LNX1: variants seen among roughly 807,000 people sequenced by gnomAD.
The protein encoded by LNX1 is ligand of numb-protein X 1.
LNX1 carries 54 observed loss-of-function variants against 68.4 expected under a neutral mutation model. That is an observed-to-expected ratio of 0.79 (90% CI 0.63 to 0.99). The LOEUF (loss-of-function observed/expected upper bound fraction) is 0.99, where lower values mean the gene tolerates loss of function less well. Among genes scored for constraint, LNX1 ranks in the 50% least tolerant of loss-of-function variants. The pLI, the probability that LNX1 is intolerant of heterozygous loss-of-function variation, is 0.00. For missense variants in LNX1, 906 were observed against 926.4 expected (o/e 0.98, Z 0.29); for synonymous variants, 336 against 350.0 (o/e 0.96, Z 0.45).
chr4:53,548,618 A>G, intron 2 of LNX1, among the ~76,000 whole-genome samples: 1 of 152,182 alleles, frequency 6.6e-6, no homozygotes, highest in Non-Finnish European at 1.5e-5. Flanking sequence ...CAGTATGGCA[A>G]TTCCTCAAAG....
At chr4:53,641,521 CCT>C (rs1007123143) in intron 1 of LNX1, among the ~76,000 whole-genome samples, 3 of 152,210 alleles carry the variant, frequency 2.0e-5, no homozygotes, top group African/African-American at 4.8e-5. Flanking sequence ...AACGACCATG[CCT>C]CTGTTTCTCC....
In LNX1 at chr4:53,460,436, C is replaced by T. The variant is rs1721746459; in HGVS notation, c.*471G>A. On this transcript the variant is annotated 3_prime_UTR_variant, in exon 11 of 11. Coordinates refer to ENST00000263925, the MANE Select transcript of LNX1 (RefSeq NM_001126328.3). ...ATACAAAAGTAATCTTAATTAGTATCACATACTAAAAGACAACTATAACTT... is the reference window on the plus strand; with the variant it reads ...ATACAAAAGTAATCTTAATTAGTATTACATACTAAAAGACAACTATAACTT... 1 of 190,456 alleles carries T rather than the reference C, an allele frequency of 5.3e-6. No individual in the cohort carries two copies. Among genetic ancestry groups the T allele is most frequent in the African/African-American group, 2.3e-5 (1 of 42,908 alleles). The allele number at this position is 190,456 out of a possible 1,614,324, so 11.8% of individuals were successfully genotyped here. A position where few individuals can be genotyped will look rare whatever the true frequency, so the allele number is the denominator to read the frequency against.
chr4:53,609,132 A>G (rs1733365908), intron 2 of LNX1, among the ~76,000 whole-genome samples: 1 of 152,196 alleles, frequency 6.6e-6, no homozygotes, highest in African/African-American at 2.4e-5. Flanking sequence ...GATGCTCAAC[A>G]AAGTTGACAA....
chr4:53,587,120 C>T (rs1479866649), intron 1 of LNX1, among the ~76,000 whole-genome samples: 1 of 152,184 alleles, frequency 6.6e-6, no homozygotes, highest in Non-Finnish European at 1.5e-5. Flanking sequence ...TTTCGGACAA[C>T]TCTAATTCAT....
chr4:53,496,394 C>A lies in LNX1; in HGVS notation c.979G>T (p.Val327Phe). 6.3e-7 allele frequency: 1 copy of A among 1,598,382 alleles called. No individual in the cohort carries two copies. The highest frequency in any genetic ancestry group is 1.1e-5 in the South Asian group (1 of 89,414). ...RLLPGDIILK[V>F]NGMDISNVPH... ...ACATTGCTGATGTCCATCCCGTTGA[C>A]CTGGGGGCAGGTGGAACAATCGTGC... is the stretch of plus-strand genomic sequence containing the variant. Residue 327 changes from valine (V) to phenylalanine (F), a missense_variant and splice_region_variant, in exon 6 of 11, where the codon GTC (valine) becomes TTC (phenylalanine). By Grantham distance (50) the Val-to-Phe change is conservative (BLOSUM62 -1). Transcript: ENST00000263925.
chr4:53,578,048 T>C (rs1179307097), intron 1 of LNX1, among the ~76,000 whole-genome samples: 4 of 152,158 alleles, frequency 2.6e-5, no homozygotes, highest in African/African-American at 9.7e-5. Context: ...GGTAAATAAC[T>C]TGTCAATCAC....
upstream of LNX1, chr4:53,594,016 C>T (rs1246055225): frequency 2.1e-5 from 3 of 141,074 alleles, no homozygotes; most frequent in African/African-American, 7.6e-5. Context: ...AGCTTCTTAC[C>T]CATTATTCAG....
At chr4:53,603,688 A>G (rs1401840730) in intron 2 of LNX1, 1 of 152,256 alleles carries the variant, frequency 6.6e-6, no homozygotes, top group African/African-American at 2.4e-5. Flanking sequence ...CACGTCTTGC[A>G]AGAACTCACT....
At chr4:53,522,354 A>G (rs1035886607) in intron 2 of LNX1, among the ~76,000 whole-genome samples, 1 of 152,148 alleles carries the variant, frequency 6.6e-6, no homozygotes, top group African/African-American at 2.4e-5. Flanking sequence ...TTATTCCACA[A>G]ATACTGAAGT....
At chr4:53,561,780 ACT>A (rs572617150) in intron 2 of LNX1, among the ~76,000 whole-genome samples, 1 of 152,112 alleles carries the variant, frequency 6.6e-6, no homozygotes, top group Non-Finnish European at 1.5e-5. Context: ...TGAACAATGA[ACT>A]CTGTATTCAT....
At chr4:53,463,910 A>G (rs979631795) in intron 9 of LNX1, among the ~76,000 whole-genome samples, 1 of 152,120 alleles carries the variant, frequency 6.6e-6, no homozygotes, top group African/African-American at 2.4e-5. Flanking sequence ...TGCAGACTAC[A>G]AAAAACACTA....
chr4:53,586,548 T>C (rs10517304), intron 1 of LNX1, among the ~76,000 whole-genome samples: 22,602 of 152,194 alleles, frequency 0.15, 1,796 homozygotes, highest in African/African-American at 0.18. Context: ...CCACATATTC[T>C]AAGTCACAAA....
intron 1 of LNX1, among the ~76,000 whole-genome samples, chr4:53,579,888 C>A (rs931153810): frequency 3.9e-5 from 6 of 152,162 alleles, no homozygotes; most frequent in Non-Finnish European, 7.3e-5. Context: ...ACGTGTTCTT[C>A]CCATTGAAAG....
At chr4:53,570,664 T>TAAAA (rs367852101) in intron 2 of LNX1, among the ~76,000 whole-genome samples, 1 of 143,688 alleles carries the variant, frequency 7.0e-6, no homozygotes, top group Non-Finnish European at 1.5e-5. Flanking sequence ...TAAAGTATAA[T>TAAAA]AATAAATAAA....
chr4:53,614,544 G>A (rs1733615699), intron 2 of LNX1, among the ~76,000 whole-genome samples: 1 of 152,196 alleles, frequency 6.6e-6, no homozygotes, highest in South Asian at 2.1e-4. Context: ...ACCCACACTA[G>A]AAAAGCCAGA....
chr4:53,608,201 T>C (rs1372096324), intron 2 of LNX1, among the ~76,000 whole-genome samples: 1 of 152,120 alleles, frequency 6.6e-6, no homozygotes. Flanking sequence ...TGGGAGAAAA[T>C]ATTTGTAAAC....
At chr4:53,650,991 T>C (rs1735076686) in intron 1 of LNX1, among the ~76,000 whole-genome samples, 3 of 152,224 alleles carry the variant, frequency 2.0e-5, no homozygotes, top group Admixed American at 2.0e-4. Context: ...AAGACAACGC[T>C]ATGAGGGATG....
intron 5 of LNX1, 26 bp from the exon 6 acceptor site, chr4:53,496,420 G>A (rs770112996): frequency 1.3e-5 from 20 of 1,544,516 alleles, no homozygotes; most frequent in African/African-American, 4.1e-5. Context: ...ACAATCGTGC[G>A]GTCAGCTCCA....
At chr4:53,570,024 G>A (rs1731031676) in intron 2 of LNX1, among the ~76,000 whole-genome samples, 1 of 152,190 alleles carries the variant, frequency 6.6e-6, no homozygotes, top group African/African-American at 2.4e-5. Context: ...ACAGGTGGTG[G>A]AGAGGATGTG....
Sources: allele counts gnomAD v4.1 joint callset (sites outside exome capture counted in the v4.1 genomes callset), GRCh38; gene constraint gnomAD v4.1.1; transcripts MANE v1.5; gene names NCBI Gene and HGNC (gene_info 2026-07-23, HGNC 2026-07-21).